SARAF: variants seen among roughly 807,000 people sequenced by gnomAD.
The protein encoded by SARAF is store-operated calcium entry associated regulatory factor.
Under a neutral mutation model 39.7 loss-of-function variants are expected in SARAF, and 23 were observed. The observed-to-expected ratio is 0.58, with a 90% confidence interval of 0.42 to 0.82. The LOEUF (loss-of-function observed/expected upper bound fraction) is 0.82, where lower values mean the gene tolerates loss of function less well. Ranked by LOEUF, SARAF falls within the 40% of genes least tolerant of loss-of-function variation. SARAF has a pLI of 0.00. For missense variants in SARAF, 384 were observed against 418.5 expected, an observed-to-expected ratio of 0.92 and a Z score of 0.72; for synonymous variants, 175 against 168.5, an observed-to-expected ratio of 1.04 and a Z score of -0.30.
chr8:30,082,865 G>C lies in SARAF; in HGVS notation c.85C>G (p.Leu29Val). The C allele has an allele frequency of 6.4e-7, 1 of 1,555,430 alleles. No individual in the cohort carries two copies. ...HLFLLTAGPA[L>V]GWNDPDRMLL... ...CACTCACCAGGGTCGTTCCAGCCCAGGGCAGGGCCCGCGGTCAGCAGAAAC... is the reference window on the plus strand; with the variant it reads ...CACTCACCAGGGTCGTTCCAGCCCACGGCAGGGCCCGCGGTCAGCAGAAAC... The change falls in exon 1 of 6, where the codon CTG (leucine) becomes GTG (valine). Residue 29 changes from leucine (L) to valine (V), a missense_variant. By Grantham distance (32) the Leu-to-Val change is conservative (BLOSUM62 1). Coordinates refer to ENST00000256255, the MANE Select transcript of SARAF (RefSeq NM_016127.6).
chr8:30,082,690 G>A, intron 1 of SARAF, 157 bp downstream of exon 1: 1 of 561,564 alleles, frequency 1.8e-6, no homozygotes, highest in African/African-American at 2.0e-5. Flanking sequence ...AAGAGCAGTG[G>A]AACCAGGGAG....
intron 3 of SARAF, among the ~76,000 whole-genome samples, 184 bp downstream of exon 3, chr8:30,069,458 C>G (rs1404614935): frequency 6.6e-6 from 1 of 151,912 alleles, no homozygotes; most frequent in African/African-American, 2.4e-5. Flanking sequence ...ATTAACATAG[C>G]AACCACAATA....
intron 4 of SARAF, 137 bp downstream of exon 4, chr8:30,066,640 C>T: frequency 1.9e-6 from 2 of 1,051,792 alleles, no homozygotes; most frequent in Non-Finnish European, 1.4e-6. Flanking sequence ...TGTACCTTCC[C>T]CCTTCCCAGA....
rs3189926 is a variant in SARAF, at chr8:30,063,772, A to C, written c.*116T>G. 0.12 allele frequency: 108,491 copies of C among 894,924 alleles called. 6,808 individuals carry two copies. The highest frequency in any genetic ancestry group is 0.21 in the East Asian group (8,734 of 40,820). The allele number at this position is 894,924 out of a possible 1,614,324, so 55.4% of individuals were successfully genotyped here. On this transcript the variant is annotated 3_prime_UTR_variant, in exon 6 of 6. Transcript: ENST00000256255. Reference sequence around the variant, plus strand: ...AAAGCTACACTGGACATAACACCACAGAACTTTTGAATATCCCCTTTTCCC... The same window carrying C: ...AAAGCTACACTGGACATAACACCACCGAACTTTTGAATATCCCCTTTTCCC...
chr8:30,077,463 AATAC>A (rs1242596178), intron 1 of SARAF, among the ~76,000 whole-genome samples: 2 of 151,938 alleles, frequency 1.3e-5, no homozygotes, highest in Admixed American at 1.3e-4. Context: ...TAAATAAATA[AATAC>A]ATACATACGA....
chr8:30,063,485 T>C lies in SARAF; in HGVS notation c.*403A>G, dbSNP rs1189162170. ...TCAAATAATATAATACCAAATAGAA[T>C]ATTATAGTCTCTATGAGGTAATAAC... On this transcript the variant is annotated 3_prime_UTR_variant, in exon 6 of 6. Coordinates refer to ENST00000256255, the MANE Select transcript of SARAF (RefSeq NM_016127.6). The C allele has an allele frequency of 5.6e-6, 1 of 177,738 alleles. No individual in the cohort carries two copies. Among genetic ancestry groups the C allele is most frequent in the African/African-American group, 2.4e-5 (1 of 41,966 alleles). 11.0% of individuals were successfully genotyped at this position (177,738 alleles called of 1,614,324 possible). A position where few individuals can be genotyped will look rare whatever the true frequency, so the allele number is the denominator to read the frequency against.
intron 1 of SARAF, among the ~76,000 whole-genome samples, chr8:30,077,756 T>G (rs1390162470): frequency 6.8e-6 from 1 of 147,252 alleles, no homozygotes; most frequent in Non-Finnish European, 1.5e-5. Context: ...GAGCCAAGAT[T>G]GTGCCACTGC....
intron 2 of SARAF, 52 bp downstream of exon 2, chr8:30,073,825 A>G (rs1801897627): frequency 6.5e-7 from 1 of 1,530,592 alleles, no homozygotes; most frequent in Non-Finnish European, 9.0e-7. Context: ...CCAATAAACA[A>G]TTTACTGAAT....
rs1347897846 is a variant in SARAF, at chr8:30,066,851, A to C, written c.768T>G (p.Tyr256Ter). The C allele has an allele frequency of 1.9e-6, 3 of 1,614,176 alleles. No individual in the cohort carries two copies. The highest frequency in any genetic ancestry group is 2.2e-5 in the East Asian group (1 of 44,876). Residue 256 changes from tyrosine (Y) to a stop codon, truncating the protein, a stop_gained, in exon 4 of 6, where the codon TAT becomes TAG. Transcript: ENST00000256255. LOFTEE classifies it high-confidence loss of function. Reference sequence around the variant, plus strand: ...TCCAGAACCCTGGTCCTGAATTTTCATATCCTTGTTGTCCTGTAAAAGCAC... The same window carrying C: ...TCCAGAACCCTGGTCCTGAATTTTCCTATCCTTGTTGTCCTGTAAAAGCAC... ...FGSAFTGQQG[Y>*]ENSGPGFWTG...
chr8:30,078,189 A>AC (rs1219530188), intron 1 of SARAF: 1 of 405,134 alleles, frequency 2.5e-6, no homozygotes, highest in African/African-American at 2.1e-5. Flanking sequence ...GGAAAAAAAA[A>AC]AAAAAGAAAG....
rs1054149176 is a variant in SARAF, at chr8:30,063,114, T to C, written c.*774A>G. 3 of 152,242 alleles carry C rather than the reference T, an allele frequency of 2.0e-5. No individual in the cohort carries two copies. The highest frequency in any genetic ancestry group is 4.8e-5 in the African/African-American group (2 of 41,456). 9.4% of individuals were successfully genotyped at this position (152,242 alleles called of 1,614,324 possible). Reference sequence around the variant, plus strand: ...AGACTAAACCCCTTGTTTGTTTTTATTGATTCTTTTTAAGATTGAAACAGA... The same window carrying C: ...AGACTAAACCCCTTGTTTGTTTTTACTGATTCTTTTTAAGATTGAAACAGA... On this transcript the variant is annotated 3_prime_UTR_variant, in exon 6 of 6. Transcript: ENST00000256255.
intron 2 of SARAF, among the ~76,000 whole-genome samples, chr8:30,071,283 T>C (rs1467842078): frequency 6.6e-6 from 1 of 152,152 alleles, no homozygotes; most frequent in African/African-American, 2.4e-5. Context: ...GAGGCAGAGG[T>C]TGCAGTGAGC....
intron 5 of SARAF, among the ~76,000 whole-genome samples, chr8:30,064,477 T>TG (rs1215826456): frequency 2.7e-4 from 40 of 150,150 alleles, no homozygotes; most frequent in Middle Eastern, 3.4e-3. Flanking sequence ...CATGATTTTA[T>TG]GCAAGTCTTC....
chr8:30,082,783 C>T (rs994002997), intron 1 of SARAF, 64 bp downstream of exon 1: 3 of 1,355,218 alleles, frequency 2.2e-6, no homozygotes, highest in Non-Finnish European at 3.0e-6. Context: ...GCAGGGGAGC[C>T]TGCACCGGCT....
intron 3 of SARAF, among the ~76,000 whole-genome samples, chr8:30,068,112 T>C (rs1403200331): frequency 6.6e-6 from 1 of 152,176 alleles, no homozygotes; most frequent in Non-Finnish European, 1.5e-5. Context: ...GTTGAACATG[T>C]AAATCATGGG....
intron 5 of SARAF, among the ~76,000 whole-genome samples, chr8:30,065,340 T>A (rs1801659729): frequency 6.6e-6 from 1 of 152,208 alleles, no homozygotes; most frequent in South Asian, 2.1e-4. Flanking sequence ...ATTGAATGTA[T>A]CAATATATAT....
chr8:30,073,131 T>C (rs1237189268), intron 2 of SARAF, among the ~76,000 whole-genome samples: 1 of 152,196 alleles, frequency 6.6e-6, no homozygotes, highest in African/African-American at 2.4e-5. Context: ...CCTCTCTGAA[T>C]TGCAAAGACC....
chr8:30,073,773 T>C, intron 2 of SARAF, 104 bp downstream of exon 2: 1 of 971,790 alleles, frequency 1.0e-6, no homozygotes, highest in Middle Eastern at 2.5e-4. Flanking sequence ...TAGGCTGATC[T>C]GAGATTTCCG....
At chr8:30,063,951 A>G (rs1038926422) in intron 5 of SARAF, 38 bp from the exon 6 acceptor site, 29 of 1,482,478 alleles carry the variant, frequency 2.0e-5, no homozygotes, top group Non-Finnish European at 2.5e-5. Flanking sequence ...TAGTTTTTAA[A>G]AATGCATTAG....
Sources: allele counts gnomAD v4.1 joint callset (sites outside exome capture counted in the v4.1 genomes callset), GRCh38; gene constraint gnomAD v4.1.1; transcripts MANE v1.5; gene names NCBI Gene and HGNC (gene_info 2026-07-23, HGNC 2026-07-21).